Variants in LMLN observed in about 807,000 individuals in gnomAD.
LMLN encodes leishmanolysin like peptidase, also known as leishmanolysin-like peptidase.
A neutral mutation model predicts 92.3 loss-of-function variants in LMLN; 70 were observed. The observed-to-expected ratio is 0.76, with a 90% CI of 0.63 to 0.92. The LOEUF is 0.92. LMLN is among the 40% of genes least tolerant of loss of function. LMLN has a pLI of 0.00. For missense variants in LMLN, 691 were observed against 814.6 expected, an observed-to-expected ratio of 0.85 and a Z score of 1.85; for synonymous variants, 308 against 296.2, an observed-to-expected ratio of 1.04 and a Z score of -0.41.
At chr3:198,018,806 C>T (rs552751276) in intron 11 of LMLN, among the ~76,000 whole-genome samples, 1 of 152,254 alleles carries the variant, frequency 6.6e-6, no homozygotes, top group South Asian at 2.1e-4. Flanking sequence ...ATTTTTATAT[C>T]GTCAACTGTC....
At chr3:197,975,129 A>G (rs1392265666) in intron 3 of LMLN, 57 bp downstream of exon 3, 1 of 968,042 alleles carries the variant, frequency 1.0e-6, no homozygotes, top group Non-Finnish European at 1.6e-6. Context: ...TTGCATGGAA[A>G]TTCTACTTCA....
Position 197,982,555 on chromosome 3 carries a change from C to T in LMLN, c.729-1388C>T, listed in dbSNP as rs552631899. 1.1e-4 allele frequency among the ~76,000 whole-genome samples: 16 copies of T among 152,230 alleles called. No individual in the cohort carries two copies. In the South Asian group the frequency reaches 3.1e-3, roughly 30 times the overall value. On this transcript the variant is annotated intron_variant, in intron 6 of 15. Transcript: ENST00000330198. ...GTTCTTCTTTTTCAAGGAAGTGAAACCTTCCTTCACAATTGCTATATTGCA... is the reference window on the plus strand; with the variant it reads ...GTTCTTCTTTTTCAAGGAAGTGAAATCTTCCTTCACAATTGCTATATTGCA...
intron 5 of LMLN, among the ~76,000 whole-genome samples, chr3:197,979,836 G>A (rs1721507190): frequency 6.6e-6 from 1 of 152,114 alleles, no homozygotes; most frequent in Non-Finnish European, 1.5e-5. Flanking sequence ...TAGAAACAAG[G>A]GGAGATGACT....
chr3:198,006,505 T>C (rs1399902997), intron 11 of LMLN, among the ~76,000 whole-genome samples: 1 of 152,222 alleles, frequency 6.6e-6, no homozygotes, highest in Non-Finnish European at 1.5e-5. Flanking sequence ...ACTTTTTAAT[T>C]CCTGACAGTG....
At chr3:198,027,638 C>A (rs988888545) in intron 14 of LMLN, among the ~76,000 whole-genome samples, 5 of 152,186 alleles carry the variant, frequency 3.3e-5, no homozygotes, top group African/African-American at 1.2e-4. Context: ...ACTCCTTTTA[C>A]TTAGCGTGGC....
chr3:198,009,673 C>T (rs1011100198), intron 11 of LMLN, among the ~76,000 whole-genome samples: 1 of 151,414 alleles, frequency 6.6e-6, no homozygotes, highest in South Asian at 2.1e-4. Context: ...CAGGGCTATT[C>T]TTATCATCTG....
intron 11 of LMLN, among the ~76,000 whole-genome samples, chr3:198,011,206 T>C (rs913132898): frequency 1.3e-5 from 2 of 152,246 alleles, no homozygotes; most frequent in Non-Finnish European, 2.9e-5. Context: ...ATGTGCCATG[T>C]TGGTGTGCTG....
chr3:197,983,718 A>G (rs1360422063), intron 6 of LMLN, among the ~76,000 whole-genome samples: 1 of 152,208 alleles, frequency 6.6e-6, no homozygotes, highest in Non-Finnish European at 1.5e-5. Flanking sequence ...AAAAATTCAT[A>G]TTAAAGTATA....
At chr3:197,977,151 G>A (rs1721406712) in intron 5 of LMLN, among the ~76,000 whole-genome samples, 1 of 152,176 alleles carries the variant, frequency 6.6e-6, no homozygotes, top group South Asian at 2.1e-4. Context: ...CTATAAATAT[G>A]CCTATTTAGG....
In LMLN at chr3:198,025,167, G is replaced by A. The variant is rs1001912402; in HGVS notation, c.1656+379G>A. On this transcript the variant is annotated intron_variant, in intron 14 of 15. Coordinates refer to ENST00000330198, the Ensembl canonical transcript of LMLN. The surrounding 1 kb of genome is among the most constrained non-coding windows in gnomAD (Gnocchi z 4.3). ...ATTAGTAAATCAGGCTGGACGTGGT[G>A]GCTCACGCCTGTAATCCCAGCACTT... 1.4e-4 allele frequency among the ~76,000 whole-genome samples: 21 copies of A among 152,162 alleles called. No homozygotes were observed. The highest frequency in any genetic ancestry group is 5.1e-4 in the African/African-American group (21 of 41,438).
intron 6 of LMLN, among the ~76,000 whole-genome samples, chr3:197,982,522 G>A (rs559076171): frequency 1.8e-4 from 27 of 152,160 alleles, no homozygotes; most frequent in South Asian, 2.1e-4. Flanking sequence ...CACCACGCCC[G>A]GCCTTAAGTT....
chr3:198,015,576 C>T (rs1288725483), intron 11 of LMLN, among the ~76,000 whole-genome samples: 1 of 138,868 alleles, frequency 7.2e-6, no homozygotes, highest in Non-Finnish European at 1.6e-5. Flanking sequence ...TCTCTCCACC[C>T]TTCAGAGCCC....
At chr3:197,993,233 C>T (rs1721925375) in intron 9 of LMLN, among the ~76,000 whole-genome samples, 1 of 152,042 alleles carries the variant, frequency 6.6e-6, no homozygotes, top group Non-Finnish European at 1.5e-5. Flanking sequence ...ACTCTTACCA[C>T]TTGTACATAG....
chr3:197,977,216 TAA>T (rs1721408493), intron 5 of LMLN, among the ~76,000 whole-genome samples: 1 of 152,210 alleles, frequency 6.6e-6, no homozygotes, highest in South Asian at 2.1e-4. Context: ...GTGCAGTTGT[TAA>T]AAAGTGAAGG....
intron 9 of LMLN, among the ~76,000 whole-genome samples, chr3:197,992,846 G>A (rs1721914541): frequency 6.6e-6 from 1 of 151,980 alleles, no homozygotes; most frequent in Admixed American, 6.6e-5. Flanking sequence ...AAAATTACAG[G>A]CTAATATTCT....
chr3:198,003,147 G>A lies in LMLN; in HGVS notation c.1232+3805G>A, dbSNP rs767635739. The A allele has an allele frequency of 9.8e-6, 13 of 1,324,914 alleles. No homozygotes were observed. The East Asian group carries it at 1.8e-4, about 18-fold the overall frequency. The allele number at this position is 1,324,914 out of a possible 1,614,324, so 82.1% of individuals were successfully genotyped here. A position where few individuals can be genotyped will look rare whatever the true frequency, so the allele number is the denominator to read the frequency against. Reference sequence around the variant, plus strand: ...AAAAGTAAGAATGCATTTCCTCACAGTGTCACTGATTACACAGTTCCTTTC... The same window carrying A: ...AAAAGTAAGAATGCATTTCCTCACAATGTCACTGATTACACAGTTCCTTTC... On this transcript the variant is annotated intron_variant, in intron 11 of 15. Transcript: ENST00000330198.
At position 197,969,276 on chromosome 3, in the gene LMLN, TA is replaced by T. The variant is rs199733192; in HGVS notation, c.220-5100del. Among the ~76,000 whole-genome samples the T allele has an allele frequency of 4.2e-5, 6 of 142,562 alleles. No individual in the cohort carries two copies. In the East Asian group the frequency reaches 7.7e-4, roughly 18 times the overall value. 93.5% of individuals were successfully genotyped at this position (142,562 alleles called of 152,430 possible). A position where few individuals can be genotyped will look rare whatever the true frequency, so the allele number is the denominator to read the frequency against. On this transcript the variant is annotated intron_variant, in intron 1 of 15. Transcript: ENST00000330198. ...GCTTTCTTTGAGTTTAATATATATA[TA>T]TTTTTTTTAGTATCTTAAGGTGGAA...
chr3:198,034,574 G>A (rs1723160678), intron 14 of LMLN, among the ~76,000 whole-genome samples: 1 of 152,070 alleles, frequency 6.6e-6, no homozygotes, highest in Non-Finnish European at 1.5e-5. Context: ...TCATGCCACT[G>A]CACTCCAGCC....
At chr3:197,994,892 A>T (rs1365280420) in intron 9 of LMLN, among the ~76,000 whole-genome samples, 2 of 152,220 alleles carry the variant, frequency 1.3e-5, no homozygotes, top group East Asian at 3.8e-4. Flanking sequence ...TGTCAAAGAG[A>T]TGTTTGCACT....
Sources: gnomAD v4.1 joint callset for allele counts (sites outside exome capture counted in the v4.1 genomes callset) on GRCh38, gnomAD v4.1.1 for gene constraint, Gnocchi (gnomAD v3.1) non-coding constraint, MANE v1.5 for transcripts, NCBI Gene and HGNC (gene_info 2026-07-23, HGNC 2026-07-21) for gene names.